AJM1: variants seen among roughly 807,000 people sequenced by gnomAD.
AJM1 encodes uncharacterized protein C9orf172.
In AJM1, 22 loss-of-function variants were observed where a neutral mutation model predicts 43.0. That is an observed-to-expected ratio of 0.51 (90% CI 0.37 to 0.73). The LOEUF (loss-of-function observed/expected upper bound fraction) is 0.73, where lower values mean the gene tolerates loss of function less well. Ranked by LOEUF, AJM1 falls within the 30% of genes least tolerant of loss-of-function variation. The probability of loss-of-function intolerance (pLI) is 0.00; values close to 1 mark genes in which losing one functional copy is unlikely to be tolerated. For synonymous variants in AJM1, 719 were observed against 638.3 expected (o/e 1.13, Z -1.91); for missense variants, 1,305 against 1,343.3 (o/e 0.97, Z 0.45).
intron 1 of AJM1, among the ~76,000 whole-genome samples, 71 bp downstream of exon 1, chr9:136,842,660 G>A (rs578208160): frequency 9.8e-5 from 15 of 152,322 alleles, no homozygotes; most frequent in South Asian, 2.1e-4. Flanking sequence ...TAGGGCAGCC[G>A]AAAGGATGGG....
At chr9:136,844,032 G>A (rs1564377064) in intron 1 of AJM1, among the ~76,000 whole-genome samples, 164 bp from the exon 2 acceptor site, 2 of 152,180 alleles carry the variant, frequency 1.3e-5, no homozygotes, top group Non-Finnish European at 2.9e-5. Flanking sequence ...AGCCGACCCC[G>A]CCGTCACTAG....
chr9:136,846,801 C>A lies in AJM1; in HGVS notation c.2387C>A (p.Ala796Glu). Residue 796 changes from alanine to glutamate, a missense_variant, in exon 3 of 3, where the codon GCG becomes GAG. Ala to Glu is a moderately radical substitution (Grantham distance 107). Transcript: ENST00000436881. The part of the protein sequence containing the change: ...ATHAAPLGSY[A>E]RELAAAGRLY... ...CACGCGGCGCCCCTGGGCAGCTACGCGCGCGAGCTGGCGGCCGCTGGGCGC... is the reference window on the plus strand; with the variant it reads ...CACGCGGCGCCCCTGGGCAGCTACGAGCGCGAGCTGGCGGCCGCTGGGCGC... 6.3e-7 allele frequency: 1 copy of A among 1,592,780 alleles called. No individual in the cohort carries two copies. Among genetic ancestry groups the A allele is most frequent in the South Asian group, 1.1e-5 (1 of 89,942 alleles).
Position 136,845,442 on chromosome 9 carries a change from C to G in AJM1, c.1028C>G (p.Ser343Cys), listed in dbSNP as rs1848758421. ...CCAATCCAGGAACCGCCCTCCCGCT[C>G]CTACTATGGGGAGGCTCCACGAGCC... ...TFPIQEPPSR[S>C]YYGEAPRAYG... The change falls in exon 3 of 3, where the codon TCC becomes TGC. Residue 343 changes from serine (S) to cysteine (C), a missense_variant. Physicochemically the swap from Ser to Cys is moderately radical, Grantham distance 112. Transcript: ENST00000436881. The G allele has an allele frequency of 6.2e-7, 1 of 1,611,702 alleles. No individual in the cohort carries two copies. The highest frequency in any genetic ancestry group is 1.7e-5 in the Admixed American group (1 of 59,906).
rs1160791598 is a variant in AJM1, at chr9:136,848,494, G to A, written c.*1149G>A. The A allele has an allele frequency of 6.6e-6, 1 of 152,294 alleles. No individual in the cohort carries two copies. 9.4% of individuals were successfully genotyped at this position (152,294 alleles called of 1,614,324 possible). On this transcript the variant is annotated 3_prime_UTR_variant, in exon 3 of 3. Transcript: ENST00000436881. ...GTGGGGTATGCGGGAGAGGGGTGGAGGCCAAACGCAAGGGCCCTCCTGGAG... is the reference window on the plus strand; with the variant it reads ...GTGGGGTATGCGGGAGAGGGGTGGAAGCCAAACGCAAGGGCCCTCCTGGAG...
At position 136,845,193 on chromosome 9, in the gene AJM1, G is replaced by A. The variant is rs1848753062; in HGVS notation, c.779G>A (p.Gly260Glu). Residue 260 changes from glycine (G) to glutamate (E), a missense_variant, in exon 3 of 3, where the codon GGG (glycine) becomes GAG (glutamate). Physicochemically the swap from Gly to Glu is moderately conservative, Grantham distance 98. Coordinates refer to ENST00000436881, the MANE Select transcript of AJM1 (RefSeq NM_001080482.5). ...TTCTACTGCGACGGGCCCCTGCCTG[G>A]GCCCCGGGACTACGCCGAGCGCCGC... ...RAFYCDGPLPGPRDYAERRSL... is the reference protein window; with the variant it reads ...RAFYCDGPLPEPRDYAERRSL... 1.3e-6 allele frequency: 2 copies of A among 1,588,300 alleles called. No individual in the cohort carries two copies. Among genetic ancestry groups the A allele is most frequent in the Middle Eastern group, 2.3e-4 (1 of 4,422 alleles).
chr9:136,844,350 C>A lies in AJM1; in HGVS notation c.-59-6C>A. 7.2e-7 allele frequency: 1 copy of A among 1,393,798 alleles called. No homozygotes were observed. The highest frequency in any genetic ancestry group is 1.2e-5 in the South Asian group (1 of 83,198). 86.3% of individuals were successfully genotyped at this position (1,393,798 alleles called of 1,614,324 possible). A position where few individuals can be genotyped will look rare whatever the true frequency, so the allele number is the denominator to read the frequency against. ...GGGGGCCGCCCTGACCCGCGTCTCC[C>A]CCCAGGGCAAAAGCCCCGCAAGGCA... On this transcript the variant is annotated splice_region_variant and splice_polypyrimidine_tract_variant and intron_variant, in intron 2 of 2. Transcript: ENST00000436881.
Position 136,845,214 on chromosome 9 carries a change from G to A in AJM1, c.800G>A (p.Arg267His), listed in dbSNP as rs764615747. 1.9e-6 allele frequency: 3 copies of A among 1,590,924 alleles called. No homozygotes were observed. Among genetic ancestry groups the A allele is most frequent in the Admixed American group, 1.7e-5 (1 of 58,544 alleles). Residue 267 changes from arginine (R) to histidine (H), a missense_variant, in exon 3 of 3, where the codon CGC (arginine) becomes CAC (histidine). Transcript: ENST00000436881. Reference protein sequence around the residue: ...PLPGPRDYAERRSLPFTTPPG... With the variant: ...PLPGPRDYAEHRSLPFTTPPG... ...CCTGGGCCCCGGGACTACGCCGAGC[G>A]CCGCAGTCTGCCCTTCACCACCCCG...
Position 136,845,838 on chromosome 9 carries a change from G to A in AJM1, c.1424G>A (p.Arg475His). The change falls in exon 3 of 3, where the codon CGC becomes CAC. Residue 475 changes from arginine (R) to histidine (H), a missense_variant. Arg to His is a conservative substitution (Grantham distance 29). Transcript: ENST00000436881. ...RGRSYENLLG[R>H]EVREPRGVSP... ...CGCAGCTACGAGAACCTGCTGGGGCGCGAGGTGCGGGAGCCGCGAGGCGTG... is the reference window on the plus strand; with the variant it reads ...CGCAGCTACGAGAACCTGCTGGGGCACGAGGTGCGGGAGCCGCGAGGCGTG... 6 of 1,559,416 alleles carry A rather than the reference G, an allele frequency of 3.8e-6. No homozygotes were observed. The highest frequency in any genetic ancestry group is 3.5e-5 in the South Asian group (3 of 85,218).
At chr9:136,843,349 G>T (rs1848728481) in intron 1 of AJM1, among the ~76,000 whole-genome samples, 1 of 152,236 alleles carries the variant, frequency 6.6e-6, no homozygotes, top group Non-Finnish European at 1.5e-5. Flanking sequence ...GCCGCGTGGG[G>T]GCCTAAGAAA....
Position 136,847,334 on chromosome 9 carries a change from G to T in AJM1, c.2920G>T (p.Asp974Tyr). The T allele has an allele frequency of 6.6e-7, 1 of 1,518,022 alleles. No individual in the cohort carries two copies. The highest frequency in any genetic ancestry group is 1.2e-5 in the South Asian group (1 of 82,484). The allele number at this position is 1,518,022 out of a possible 1,614,324, so 94.0% of individuals were successfully genotyped here. ...GGTGGCCAGCGCCAACCTGCTGGAC[G>T]ACATCATGTGAGGCGCCGGGCCCAC... ...DWVASANLLD[D>Y]IM Residue 974 changes from aspartate to tyrosine, a missense_variant, in exon 3 of 3, where the codon GAC (aspartate) becomes TAC (tyrosine). Asp to Tyr is a radical substitution (Grantham distance 160, BLOSUM62 -3). This residue lies in a region of AJM1 where 116 missense variants were observed against 113.4 expected (regional missense o/e 1.02). Coordinates refer to ENST00000436881, the MANE Select transcript of AJM1 (RefSeq NM_001080482.5).
Position 136,845,036 on chromosome 9 carries a change from G to A in AJM1, c.622G>A (p.Gly208Arg). ...CGCCACCCGGGGCTCGCGGTCCTGC[G>A]GGCCCACCGAGGCCGCGCACTGGGC... ...QHATRGSRSC[G>R]PTEAAHWARP... The change falls in exon 3 of 3, where the codon GGG becomes AGG. Residue 208 changes from glycine to arginine, a missense_variant. Gly to Arg is a moderately radical substitution (Grantham distance 125). Coordinates refer to ENST00000436881, the MANE Select transcript of AJM1 (RefSeq NM_001080482.5). The A allele has an allele frequency of 2.7e-6, 2 of 747,860 alleles. No homozygotes were observed. The highest frequency in any genetic ancestry group is 1.6e-5 in the South Asian group (1 of 63,526). The allele number at this position is 747,860 out of a possible 1,614,324, so 46.3% of individuals were successfully genotyped here.
At position 136,846,480 on chromosome 9, in the gene AJM1, G is replaced by A; in HGVS notation, c.2066G>A (p.Cys689Tyr). The A allele has an allele frequency of 6.3e-7, 1 of 1,593,454 alleles. No homozygotes were observed. The highest frequency in any genetic ancestry group is 8.5e-7 in the Non-Finnish European group (1 of 1,176,950). Residue 689 changes from cysteine to tyrosine, a missense_variant, in exon 3 of 3, where the codon TGC (cysteine) becomes TAC (tyrosine). Cys to Tyr is a radical substitution (Grantham distance 194, BLOSUM62 -2). Around this residue, in one of 6 missense-constraint regions of AJM1, gnomAD observed 391 missense variants for 507.5 expected, o/e 0.77. Transcript: ENST00000436881. Reference protein sequence around the residue: ...ACLYFKSCHSCYTYYCSRLCR... With the variant: ...ACLYFKSCHSYYTYYCSRLCR... ...CTCTACTTCAAGTCCTGCCACAGCT[G>A]CTACACCTACTACTGCTCGCGCCTG... is the stretch of plus-strand genomic sequence containing the variant.
In AJM1 at chr9:136,843,220, C is replaced by T. The variant is rs374134611; in HGVS notation, c.-144+631C>T. Among the ~76,000 whole-genome samples the T allele has an allele frequency of 9.8e-5, 15 of 152,370 alleles. No individual in the cohort carries two copies. The East Asian group carries it at 2.5e-3, about 25-fold the overall frequency. On this transcript the variant is annotated intron_variant, in intron 1 of 2. Coordinates refer to ENST00000436881, the MANE Select transcript of AJM1 (RefSeq NM_001080482.5). ...TCCCCAGCTCACTCTGGGGTAGACC[C>T]CCCAGACCAGGTGTTGGGTGTGCAG...
Position 136,847,787 on chromosome 9 carries a change from C to T in AJM1, c.*442C>T, listed in dbSNP as rs538558789. 2.8e-4 allele frequency: 45 copies of T among 162,772 alleles called. 1 individual carries two copies. The highest frequency in any genetic ancestry group is 5.8e-3 in the Middle Eastern group (2 of 346). The allele number at this position is 162,772 out of a possible 1,614,324, so 10.1% of individuals were successfully genotyped here. ...CCACCCGTAGAGATCCGGTCCCCGT[C>T]GGTCCGCGGGGCTCTCGCTGGAGCC... On this transcript the variant is annotated 3_prime_UTR_variant, in exon 3 of 3. Coordinates refer to ENST00000436881, the MANE Select transcript of AJM1 (RefSeq NM_001080482.5).
rs1250221588 is a variant in AJM1, at chr9:136,845,084, G to T, written c.670G>T (p.Gly224Cys). 8.0e-7 allele frequency: 1 copy of T among 1,251,308 alleles called. No homozygotes were observed. The highest frequency in any genetic ancestry group is 1.1e-6 in the Non-Finnish European group (1 of 877,140). 77.5% of individuals were successfully genotyped at this position (1,251,308 alleles called of 1,614,324 possible). The change falls in exon 3 of 3, where the codon GGC (glycine) becomes TGC (cysteine). Residue 224 changes from glycine (G) to cysteine (C), a missense_variant. Gly to Cys is a radical substitution (Grantham distance 159). Coordinates refer to ENST00000436881, the MANE Select transcript of AJM1 (RefSeq NM_001080482.5). Reference protein sequence around the residue: ...HWARPAPQFHGLTVPGPRHMA... With the variant: ...HWARPAPQFHCLTVPGPRHMA... The stretch of plus-strand genomic sequence containing the variant: ...GGCCCGCCCCGCCCCGCAGTTCCAC[G>T]GCCTCACGGTGCCCGGGCCCCGCCA...
rs1376734735 is a variant in AJM1, at chr9:136,847,436, G to A, written c.*91G>A. On this transcript the variant is annotated 3_prime_UTR_variant, in exon 3 of 3. Transcript: ENST00000436881. ...GCCCGGCCCACCCAGGGCCGCCCCC[G>A]AGCCCCGCCAGGGCCCCACCCCGAC... 2 of 1,018,636 alleles carry A rather than the reference G, an allele frequency of 2.0e-6. No homozygotes were observed. The highest frequency in any genetic ancestry group is 2.0e-5 in the South Asian group (1 of 50,664). 63.1% of individuals were successfully genotyped at this position (1,018,636 alleles called of 1,614,324 possible).
rs1848799921 is a variant in AJM1, at chr9:136,847,662, A to T, written c.*317A>T. The T allele has an allele frequency of 1.2e-5, 4 of 344,896 alleles. No individual in the cohort carries two copies. The highest frequency in any genetic ancestry group is 1.5e-3 in the Middle Eastern group (2 of 1,354). 21.4% of individuals were successfully genotyped at this position (344,896 alleles called of 1,614,324 possible). A position where few individuals can be genotyped will look rare whatever the true frequency, so the allele number is the denominator to read the frequency against. On this transcript the variant is annotated 3_prime_UTR_variant, in exon 3 of 3. Transcript: ENST00000436881. ...GCTCGCCCTCGAGGATCCCCAGAAG[A>T]AGTCGGTCCTCGCCCTCGGTGCTCC...
rs1476668278 is a variant in AJM1 at position 136,846,148 on chromosome 9, G to A, written c.1734G>A (p.Glu578=). ...GPTSGRQRSL[E]QLDELITDLV... is the part of the protein sequence containing the mutation. ...CCTCTGGCCGCCAGCGGAGCCTAGA[G>A]CAGCTGGACGAGCTCATCACGGACC... The change falls in exon 3 of 3, where the codon GAG becomes GAA. Residue 578 remains glutamate (E), a synonymous_variant. Transcript: ENST00000436881. 6.5e-7 allele frequency: 1 copy of A among 1,528,302 alleles called. No homozygotes were observed. Among genetic ancestry groups the A allele is most frequent in the South Asian group, 1.2e-5 (1 of 83,192 alleles). 94.7% of individuals were successfully genotyped at this position (1,528,302 alleles called of 1,614,324 possible).
At position 136,848,566 on chromosome 9, in the gene AJM1, A is replaced by T. The variant is rs1416175912; in HGVS notation, c.*1221A>T. The T allele has an allele frequency of 6.6e-6, 1 of 151,992 alleles. No individual in the cohort carries two copies. The highest frequency in any genetic ancestry group is 1.5e-5 in the Non-Finnish European group (1 of 68,040). The allele number at this position is 151,992 out of a possible 1,614,324, so 9.4% of individuals were successfully genotyped here. ...CAGGGGAGGGGGCACCAAGTGAGAG[A>T]AATTGGGCACCCCCGCCTCCGCTCC... On this transcript the variant is annotated 3_prime_UTR_variant, in exon 3 of 3. Transcript: ENST00000436881.
Sources: gnomAD v4.1 joint callset for allele counts (sites outside exome capture counted in the v4.1 genomes callset) on GRCh38, gnomAD v4.1.1 for gene constraint, gnomAD v4.1.1 regional missense constraint, MANE v1.5 for transcripts, NCBI Gene and HGNC (gene_info 2026-07-23, HGNC 2026-07-21) for gene names.